Variants in SLC16A12 observed in about 807,000 individuals in gnomAD.
SLC16A12 encodes the protein solute carrier family 16 member 12, also known as monocarboxylate transporter 12.
In SLC16A12, 17 loss-of-function variants were observed where a neutral mutation model predicts 42.4. The ratio of observed to expected loss-of-function variants is 0.40; its 90% CI spans 0.27 to 0.60. SLC16A12 has a LOEUF of 0.60. Among genes scored for constraint, SLC16A12 ranks in the 20% least tolerant of loss-of-function variants. SLC16A12 has a pLI of 0.42. For missense variants in SLC16A12, 544 were observed against 623.0 expected (o/e 0.87, Z 1.35); for synonymous variants, 224 against 229.4 (o/e 0.98, Z 0.21).
At chr10:89,476,631 A>G (rs1842585269) in intron 2 of SLC16A12, among the ~76,000 whole-genome samples, 1 of 152,210 alleles carries the variant, frequency 6.6e-6, no homozygotes, top group Non-Finnish European at 1.5e-5. Context: ...ACATGGGGAA[A>G]TGGTACACGG....
chr10:89,451,709 G>A (rs1842099082), intron 3 of SLC16A12, among the ~76,000 whole-genome samples: 1 of 152,142 alleles, frequency 6.6e-6, no homozygotes, highest in African/African-American at 2.4e-5. Context: ...TTTTATGTTT[G>A]AATTTCTGTT....
intron 3 of SLC16A12, among the ~76,000 whole-genome samples, chr10:89,446,462 TAAAGAA>T (rs774290617): frequency 6.6e-6 from 1 of 152,178 alleles, no homozygotes; most frequent in Non-Finnish European, 1.5e-5. Context: ...TCAACATTCT[TAAAGAA>T]AAAGAATTTT....
chr10:89,496,872 T>C (rs1321834964), intron 2 of SLC16A12, among the ~76,000 whole-genome samples: 1 of 152,116 alleles, frequency 6.6e-6, no homozygotes, highest in African/African-American at 2.4e-5. Context: ...ATAACCAACA[T>C]AGGACTCCTA....
chr10:89,528,503 C>T (rs1055412711), intron 2 of SLC16A12, among the ~76,000 whole-genome samples: 1 of 152,046 alleles, frequency 6.6e-6, no homozygotes, highest in African/African-American at 2.4e-5. Context: ...ACATCTTATA[C>T]ACATAAGCCT....
At chr10:89,505,023 T>C (rs1843038327) in intron 2 of SLC16A12, among the ~76,000 whole-genome samples, 1 of 152,148 alleles carries the variant, frequency 6.6e-6, no homozygotes, top group Non-Finnish European at 1.5e-5. Context: ...TCTGAATTGA[T>C]ACAGCTTGAT....
chr10:89,538,425 G>A (rs2133881699), upstream of SLC16A12, among the ~76,000 whole-genome samples: 1 of 152,226 alleles, frequency 6.6e-6, no homozygotes, highest in Middle Eastern at 3.4e-3. Context: ...TTTACTACTA[G>A]TCTGTTGCAC....
chr10:89,506,558 C>A (rs915180452), intron 2 of SLC16A12, among the ~76,000 whole-genome samples: 1 of 152,132 alleles, frequency 6.6e-6, no homozygotes, highest in East Asian at 1.9e-4. Flanking sequence ...CACACCAAAA[C>A]CCCATCCATA....
intron 2 of SLC16A12, among the ~76,000 whole-genome samples, chr10:89,500,659 A>G (rs561242011): frequency 6.6e-6 from 1 of 152,302 alleles, no homozygotes; most frequent in African/African-American, 2.4e-5. Context: ...ATGTAATAAA[A>G]TCCATCTATG....
intron 2 of SLC16A12, among the ~76,000 whole-genome samples, chr10:89,472,293 T>C (rs774329523): frequency 2.8e-5 from 1 of 36,258 alleles, no homozygotes; most frequent in East Asian, 4.9e-4. Flanking sequence ...ACATTAATAA[T>C]AATGTAATAA....
Position 89,486,741 on chromosome 10 carries a change from G to A in SLC16A12, c.-46-24117C>T, listed in dbSNP as rs893239610. On this transcript the variant is annotated intron_variant, in intron 2 of 7. Coordinates refer to ENST00000371790, the MANE Select transcript of SLC16A12 (RefSeq NM_213606.4). ...AAAAAAGAGAAAAACGAAATAAGTA[G>A]AAATAAGTATAGAAATAAAGACTAG... Among the ~76,000 whole-genome samples, 4 of 149,284 alleles carry A rather than the reference G, an allele frequency of 2.7e-5. 1 individual carries two copies. Among genetic ancestry groups the A allele is most frequent in the African/African-American group, 1.0e-4 (4 of 40,054 alleles).
intron 2 of SLC16A12, among the ~76,000 whole-genome samples, chr10:89,516,823 G>C (rs942570312): frequency 4.6e-5 from 7 of 152,098 alleles, no homozygotes; most frequent in Admixed American, 1.3e-4. Flanking sequence ...TTCCAGTAAG[G>C]GCCAGGAATC....
intron 2 of SLC16A12, among the ~76,000 whole-genome samples, chr10:89,534,215 A>AG (rs1452036996): frequency 6.6e-6 from 1 of 152,168 alleles, no homozygotes; most frequent in Non-Finnish European, 1.5e-5. Flanking sequence ...TTGGGGGCGC[A>AG]GGGGGTGGAG....
At chr10:89,490,134 C>A (rs1283631303) in intron 2 of SLC16A12, among the ~76,000 whole-genome samples, 2 of 152,058 alleles carry the variant, frequency 1.3e-5, no homozygotes, top group Non-Finnish European at 2.9e-5. Flanking sequence ...CTTCAATAGG[C>A]AAAGAAATGA....
intron 2 of SLC16A12, among the ~76,000 whole-genome samples, chr10:89,466,309 A>G (rs1842398965): frequency 6.6e-6 from 1 of 152,250 alleles, no homozygotes; most frequent in South Asian, 2.1e-4. Flanking sequence ...AATATGCACT[A>G]GAAACTATTC....
chr10:89,480,597 TTAAC>T (rs1336059061), intron 2 of SLC16A12, among the ~76,000 whole-genome samples: 1 of 152,222 alleles, frequency 6.6e-6, no homozygotes, highest in African/African-American at 2.4e-5. Context: ...AAAAAAATGC[TTAAC>T]TAAGTTATTA....
intron 2 of SLC16A12, among the ~76,000 whole-genome samples, chr10:89,493,252 C>T (rs1249951674): frequency 6.4e-5 from 9 of 141,666 alleles, no homozygotes; most frequent in Non-Finnish European, 1.2e-4. Flanking sequence ...GAAGGAGTTT[C>T]ACTCTTGTTG....
At chr10:89,471,771 G>A (rs187379314) in intron 2 of SLC16A12, among the ~76,000 whole-genome samples, 18 of 152,242 alleles carry the variant, frequency 1.2e-4, no homozygotes, top group African/African-American at 4.1e-4. Context: ...CAATTGCTTC[G>A]CAACTTTGGC....
intron 2 of SLC16A12, among the ~76,000 whole-genome samples, chr10:89,525,089 C>G (rs68162511): frequency 0.093 from 14,101 of 152,134 alleles, 787 homozygotes; most frequent in Non-Finnish European, 0.13. Context: ...GGCGTGGCGC[C>G]GTGCGCCTGT....
intron 7 of SLC16A12, 81 bp downstream of exon 7, chr10:89,435,979 A>C: frequency 6.3e-7 from 1 of 1,585,438 alleles, no homozygotes; most frequent in Non-Finnish European, 8.6e-7. Context: ...AGTCCTTCTC[A>C]TTGACTGCAT....
Sources: gnomAD v4.1 joint callset for allele counts (sites outside exome capture counted in the v4.1 genomes callset) on GRCh38, gnomAD v4.1.1 for gene constraint, MANE v1.5 for transcripts, NCBI Gene and HGNC (gene_info 2026-07-23, HGNC 2026-07-21) for gene names.